ZAN: variants seen among roughly 807,000 people sequenced by gnomAD.
ZAN encodes zonadhesin (gene/pseudogene).
ZAN carries 260 observed loss-of-function variants against 286.2 expected under a neutral mutation model. The ratio of observed to expected loss-of-function variants is 0.91; its 90% confidence interval spans 0.82 to 1.01. The LOEUF is 1.01. ZAN is among the 50% of genes least tolerant of loss of function. The pLI, the probability that ZAN is intolerant of heterozygous loss-of-function variation, is 0.00. For synonymous variants in ZAN, 1,368 were observed against 1,417.5 expected (o/e 0.97, Z 0.79); for missense variants, 3,410 against 3,639.2 (o/e 0.94, Z 1.62).
rs775470515 is a variant in ZAN, at chr7:100,794,212, G to A, written c.8079G>A (p.Ala2693=). Residue 2693 remains alanine, a synonymous_variant, in exon 44 of 48, where the codon GCG becomes GCA. Transcript: ENST00000613979. The stretch of plus-strand genomic sequence containing the variant: ...TGTGTGAGCCCTTCAGCTGCAGAGC[G>A]GGGGAGGTCTGCACCCTGGGGAACC... The part of the protein sequence containing the change: ...ILLCEPFSCR[A]GEVCTLGNHT... The A allele has an allele frequency of 4.3e-5, 70 of 1,613,498 alleles. No individual in the cohort carries two copies. The highest frequency in any genetic ancestry group is 8.3e-5 in the Admixed American group (5 of 59,974).
intron 39 of ZAN, among the ~76,000 whole-genome samples, chr7:100,790,461 C>G (rs953517841): frequency 1.3e-5 from 2 of 150,702 alleles, no homozygotes; most frequent in Non-Finnish European, 1.5e-5. Flanking sequence ...ACTCGTGAGG[C>G]TGAGGCAGGA....
intron 17 of ZAN, among the ~76,000 whole-genome samples, chr7:100,759,321 G>C (rs978927520): frequency 6.6e-6 from 1 of 152,088 alleles, no homozygotes; most frequent in Non-Finnish European, 1.5e-5. Flanking sequence ...CAGGAGGATC[G>C]CTTGAGCCCA....
intron 2 of ZAN, among the ~76,000 whole-genome samples, 198 bp downstream of exon 2, chr7:100,734,419 A>C (rs1807160908): frequency 7.1e-6 from 1 of 139,898 alleles, no homozygotes; most frequent in Non-Finnish European, 1.6e-5. Context: ...GGAGATCGAG[A>C]CCATCCTGGC....
In ZAN at chr7:100,737,295, T is replaced by C. The variant is rs528229272; in HGVS notation, c.559T>C (p.Tyr187His). 11 of 1,490,508 alleles carry C rather than the reference T, an allele frequency of 7.4e-6. 2 individuals carry two copies. The African/African-American group carries it at 1.3e-4, about 17-fold the overall frequency. 92.3% of individuals were successfully genotyped at this position (1,490,508 alleles called of 1,614,324 possible). A position where few individuals can be genotyped will look rare whatever the true frequency, so the allele number is the denominator to read the frequency against. The change falls in exon 6 of 48, where the codon TAC becomes CAC. Residue 187 changes from tyrosine (Y) to histidine (H), a missense_variant. This residue lies in a region of ZAN where 872 missense variants were observed against 938.9 expected (regional missense o/e 0.93). Coordinates refer to ENST00000613979, the MANE Select transcript of ZAN (RefSeq NM_003386.3). The part of the protein sequence containing the change: ...MFEGTRGSTA[Y>H]LDIALDALSI... ...TGAGGGAACACGGGGTAGCACTGCC[T>C]ACCTGGACATCGCCCTGGATGCCCT...
intron 24 of ZAN, 87 bp from the exon 25 acceptor site, chr7:100,766,923 A>G (rs1369735942): frequency 3.8e-6 from 6 of 1,571,436 alleles, no homozygotes; most frequent in Admixed American, 3.5e-5. Flanking sequence ...GACCATGCCA[A>G]TGTGGGCTCT....
chr7:100,752,345 TCCC>T lies in ZAN; in HGVS notation c.2242_2244del (p.Pro748del). On this transcript the variant is annotated inframe_deletion, in exon 14 of 48. Transcript: ENST00000613979. ...ACCACCCCCACAGAAAAACCCACCA[TCCC>T]CACAGAAAAACCCACCATCTCCCCA... 6.8e-7 allele frequency: 1 copy of T among 1,468,888 alleles called. No homozygotes were observed. The allele number at this position is 1,468,888 out of a possible 1,614,324, so 91.0% of individuals were successfully genotyped here. A position where few individuals can be genotyped will look rare whatever the true frequency, so the allele number is the denominator to read the frequency against.
chr7:100,759,918 A>G, intron 18 of ZAN, 73 bp downstream of exon 18: 3 of 1,539,564 alleles, frequency 1.9e-6, no homozygotes, highest in Non-Finnish European at 2.6e-6. Flanking sequence ...CCAATCCCTG[A>G]ACCTTTCCAC....
chr7:100,767,698 C>G, intron 25 of ZAN, 133 bp from the exon 26 acceptor site: 1 of 1,027,850 alleles, frequency 9.7e-7, no homozygotes, highest in Non-Finnish European at 1.4e-6. Flanking sequence ...AGGCTGATCT[C>G]GAGATCCTGG....
At chr7:100,773,164 A>G in intron 29 of ZAN, 121 bp from the exon 30 acceptor site, 12 of 1,119,430 alleles carry the variant, frequency 1.1e-5, no homozygotes, top group Non-Finnish European at 1.4e-5. Flanking sequence ...TCGGCCTCCC[A>G]AAGTGCTGGG....
chr7:100,754,713 A>C (rs1272831280), intron 14 of ZAN, among the ~76,000 whole-genome samples: 1 of 151,816 alleles, frequency 6.6e-6, no homozygotes, highest in East Asian at 2.0e-4. Flanking sequence ...CATGTTGGCC[A>C]GGATGGTCTT....
At chr7:100,785,905 C>G (rs1168288418) in intron 36 of ZAN, 92 bp from the exon 37 acceptor site, 3 of 1,469,226 alleles carry the variant, frequency 2.0e-6, no homozygotes, top group African/African-American at 1.4e-5. Context: ...GTGATCCACC[C>G]GTCTCGGCCT....
intron 30 of ZAN, 76 bp from the exon 31 acceptor site, chr7:100,773,632 GCAGATGCTGCACC>G (rs1810544038): frequency 8.4e-6 from 13 of 1,546,920 alleles, no homozygotes; most frequent in Non-Finnish European, 1.1e-5. Flanking sequence ...AGGAGGAAGG[GCAGATGCTGCACC>G]CAGCTTCAAC....
At chr7:100,750,518 T>C (rs913427245) in intron 11 of ZAN, 107 bp from the exon 12 acceptor site, 8 of 1,313,112 alleles carry the variant, frequency 6.1e-6, no homozygotes, top group East Asian at 2.5e-5. Context: ...CCTGGGAAAT[T>C]TGAGTGTTTG....
chr7:100,759,800 C>G lies in ZAN; in HGVS notation c.3651C>G (p.Thr1217=). 8.1e-6 allele frequency: 13 copies of G among 1,610,270 alleles called. No individual in the cohort carries two copies. The highest frequency in any genetic ancestry group is 1.1e-5 in the Non-Finnish European group (13 of 1,178,632). ...GVSCLSKVYV[T]LPESTVTLLK... is the part of the protein sequence containing the mutation. The stretch of plus-strand genomic sequence containing the variant: ...CCTGCCTGAGCAAAGTCTACGTGAC[C>G]CTGCCCGAGAGCACCGTCACCCTGC... The change falls in exon 18 of 48, where the codon ACC becomes ACG. Residue 1217 remains threonine (T), a synonymous_variant. Coordinates refer to ENST00000613979, the MANE Select transcript of ZAN (RefSeq NM_003386.3).
At chr7:100,767,318 T>C in intron 25 of ZAN, 61 bp downstream of exon 25, 2 of 1,549,502 alleles carry the variant, frequency 1.3e-6, no homozygotes, top group Non-Finnish European at 1.7e-6. Context: ...TTCTCTCCTG[T>C]GCCCCTCCTT....
intron 3 of ZAN, 35 bp from the exon 4 acceptor site, chr7:100,736,448 C>A (rs751393631): frequency 6.6e-7 from 1 of 1,520,866 alleles, no homozygotes; most frequent in African/African-American, 1.4e-5. Context: ...TGCCCCTGCC[C>A]TCTCTGAAAC....
intron 22 of ZAN, among the ~76,000 whole-genome samples, chr7:100,764,621 G>A (rs1432445694): frequency 1.1e-4 from 16 of 143,496 alleles, no homozygotes; most frequent in South Asian, 2.2e-4. Context: ...CCTGGGAGGC[G>A]GAGGTTGCAG....
intron 29 of ZAN, 137 bp downstream of exon 29, chr7:100,772,157 A>C (rs1322206091): frequency 4.4e-6 from 5 of 1,128,024 alleles, no homozygotes; most frequent in Non-Finnish European, 6.0e-6. Flanking sequence ...GCAGTGGCGC[A>C]ATCTCGGCTC....
chr7:100,748,511 G>A (rs1233220873), intron 11 of ZAN, 41 bp downstream of exon 11: 10 of 1,576,790 alleles, frequency 6.3e-6, no homozygotes, highest in African/African-American at 2.7e-5. Flanking sequence ...AAATCACTCA[G>A]TCTGCTCCCA....
Sources: allele counts gnomAD v4.1 joint callset (sites outside exome capture counted in the v4.1 genomes callset), GRCh38; gene constraint gnomAD v4.1.1; regional missense constraint gnomAD v4.1.1; transcripts MANE v1.5; gene names NCBI Gene and HGNC (gene_info 2026-07-23, HGNC 2026-07-21).